WIPF2: variants seen among roughly 807,000 people sequenced by gnomAD.
WIPF2 encodes WAS/WASL-interacting protein family member 2.
Under a neutral mutation model 38.8 loss-of-function variants are expected in WIPF2, and 23 were observed. The ratio of observed to expected loss-of-function variants is 0.59; its 90% CI spans 0.43 to 0.84. The LOEUF is 0.84. WIPF2 is among the 40% of genes least tolerant of loss of function. WIPF2 has a pLI of 0.00. For synonymous variants in WIPF2, 210 were observed against 223.2 expected, an observed-to-expected ratio of 0.94 and a Z score of 0.53; for missense variants, 574 against 580.5, an observed-to-expected ratio of 0.99 and a Z score of 0.11.
intron 1 of WIPF2, among the ~76,000 whole-genome samples, chr17:40,247,162 A>C (rs577082432): frequency 6.6e-6 from 1 of 150,714 alleles, no homozygotes; most frequent in Admixed American, 6.6e-5. Flanking sequence ...TAAAATGGAC[A>C]TAGGTGTATG....
chr17:40,243,032 G>A (rs2031244963), intron 1 of WIPF2, among the ~76,000 whole-genome samples: 1 of 152,098 alleles, frequency 6.6e-6, no homozygotes, highest in African/African-American at 2.4e-5. Flanking sequence ...TTTCTTTGCA[G>A]CTCTGGTTAT....
chr17:40,260,560 G>A lies in WIPF2; in HGVS notation c.89G>A (p.Ser30Asn), dbSNP rs1208797065. ...GCAAACACAGAGCAGCCCAAGCTGA[G>A]TAGAGATGAGCAGCGGGGTCGAGGC... ...HQANTEQPKL[S>N]RDEQRGRGAL... The change falls in exon 3 of 8, where the codon AGT becomes AAT. Residue 30 changes from serine to asparagine, a missense_variant. Physicochemically the swap from Ser to Asn is conservative, Grantham distance 46. Transcript: ENST00000323571. The A allele has an allele frequency of 1.2e-6, 2 of 1,613,814 alleles. No homozygotes were observed. The highest frequency in any genetic ancestry group is 1.7e-6 in the Non-Finnish European group (2 of 1,179,994).
Position 40,219,374 on chromosome 17 carries a change from C to CGGCGGT in WIPF2, c.-183_-182insTGGCGG. On this transcript the variant is annotated 5_prime_UTR_variant, in exon 1 of 8. Coordinates refer to ENST00000323571, the MANE Select transcript of WIPF2 (RefSeq NM_133264.5). ...GGGTTGGCAAAAGGGGCGGTGGCGG[C>CGGCGGT]GGCGGCGGCGGCGGCGGCGGCGGCG... 1 of 394,698 alleles carries CGGCGGT rather than the reference C, an allele frequency of 2.5e-6. No individual in the cohort carries two copies. Among genetic ancestry groups the CGGCGGT allele is most frequent in the Non-Finnish European group, 4.7e-6 (1 of 210,894 alleles). The allele number at this position is 394,698 out of a possible 1,614,324, so 24.4% of individuals were successfully genotyped here.
chr17:40,263,553 C>A (rs369232042), intron 4 of WIPF2, among the ~76,000 whole-genome samples: 3 of 143,780 alleles, frequency 2.1e-5, no homozygotes, highest in Non-Finnish European at 3.1e-5. Flanking sequence ...TCGTCCCCCC[C>A]CCCCCCGCAA....
chr17:40,244,089 CT>C (rs1309329949), intron 1 of WIPF2, among the ~76,000 whole-genome samples: 1 of 151,974 alleles, frequency 6.6e-6, no homozygotes, highest in Non-Finnish European at 1.5e-5. Context: ...TAGAAAAAGC[CT>C]TTTTTTGGAG....
rs1028782634 is a variant in WIPF2, at chr17:40,281,858, A to G, written c.*3633A>G. 11 of 152,666 alleles carry G rather than the reference A, an allele frequency of 7.2e-5. No homozygotes were observed. The highest frequency in any genetic ancestry group is 2.6e-4 in the African/African-American group (11 of 41,524). 9.5% of individuals were successfully genotyped at this position (152,666 alleles called of 1,614,324 possible). On this transcript the variant is annotated 3_prime_UTR_variant, in exon 8 of 8. Transcript: ENST00000323571. ...GCATCTGAGGCCCTATGATGGCACT[A>G]CATTGAGCTGTCTGCCCTTCCGGAA...
rs143777738 is a variant in WIPF2, at chr17:40,249,255, C to T, written c.-69-7136C>T. On this transcript the variant is annotated intron_variant, in intron 1 of 7. Transcript: ENST00000323571. ...GATTGTAGTGGTAACTAGGATACCTCTTAGATAATTTTAAGTGTACGAGAA... is the reference window on the plus strand; with the variant it reads ...GATTGTAGTGGTAACTAGGATACCTTTTAGATAATTTTAAGTGTACGAGAA... 3.5e-3 allele frequency among the ~76,000 whole-genome samples: 528 copies of T among 152,202 alleles called. 3 individuals carry two copies. The highest frequency in any genetic ancestry group is 4.8e-3 in the Non-Finnish European group (325 of 68,008).
intron 1 of WIPF2, chr17:40,220,040 C>A (rs2030105775): frequency 6.6e-6 from 1 of 152,072 alleles, no homozygotes; most frequent in Non-Finnish European, 1.5e-5. Context: ...GAAAAGGAAT[C>A]AGAATTTAGT....
chr17:40,253,207 T>C (rs1206765855), intron 1 of WIPF2, among the ~76,000 whole-genome samples: 1 of 151,744 alleles, frequency 6.6e-6, no homozygotes, highest in Non-Finnish European at 1.5e-5. Flanking sequence ...GGACTACAGG[T>C]GTCTGCCACC....
Position 40,278,819 on chromosome 17 carries a change from A to T in WIPF2, c.*594A>T, listed in dbSNP as rs917190924. The T allele has an allele frequency of 8.3e-6, 1 of 120,850 alleles. No homozygotes were observed. The highest frequency in any genetic ancestry group is 2.6e-4 in the South Asian group (1 of 3,904). 7.5% of individuals were successfully genotyped at this position (120,850 alleles called of 1,614,324 possible). A position where few individuals can be genotyped will look rare whatever the true frequency, so the allele number is the denominator to read the frequency against. ...TTCTCACCTGCTGCCCCCCCACCCC[A>T]CCACCCCAGGGATAAATTGGATATA... is the stretch of plus-strand genomic sequence containing the variant. On this transcript the variant is annotated 3_prime_UTR_variant, in exon 8 of 8. Transcript: ENST00000323571.
chr17:40,236,344 T>G (rs887666746), intron 1 of WIPF2, among the ~76,000 whole-genome samples: 1 of 151,800 alleles, frequency 6.6e-6, no homozygotes, highest in African/African-American at 2.4e-5. Flanking sequence ...CTTCTAACCT[T>G]TTTTTTTCTT....
chr17:40,250,861 G>A (rs906844783), intron 1 of WIPF2, among the ~76,000 whole-genome samples: 1 of 148,074 alleles, frequency 6.8e-6, no homozygotes, highest in South Asian at 2.1e-4. Flanking sequence ...GAGCCCAGGA[G>A]TTTGAGGTTA....
chr17:40,227,932 TTTG>T (rs942928369), intron 1 of WIPF2, among the ~76,000 whole-genome samples: 14 of 151,836 alleles, frequency 9.2e-5, no homozygotes, highest in Non-Finnish European at 1.9e-4. Flanking sequence ...TGTTTTTTTT[TTTG>T]TTGTTGTTGT....
At chr17:40,228,080 ATCTC>A (rs2145281833) in intron 1 of WIPF2, among the ~76,000 whole-genome samples, 1 of 110,480 alleles carries the variant, frequency 9.1e-6, no homozygotes, top group African/African-American at 3.7e-5. Context: ...CAGTGGCGGG[ATCTC>A]GGCTCACTGC....
intron 2 of WIPF2, among the ~76,000 whole-genome samples, chr17:40,259,979 C>T (rs1463118785): frequency 6.6e-6 from 1 of 152,110 alleles, no homozygotes; most frequent in Non-Finnish European, 1.5e-5. Flanking sequence ...CTAAGTATTA[C>T]TGCAGGCCTC....
At chr17:40,249,865 C>T (rs936753755) in intron 1 of WIPF2, among the ~76,000 whole-genome samples, 1 of 149,162 alleles carries the variant, frequency 6.7e-6, no homozygotes, top group Non-Finnish European at 1.5e-5. Context: ...TGGAGTCTCG[C>T]ACTGTCACCT....
chr17:40,282,281 T>C lies in WIPF2; in HGVS notation c.*4056T>C, dbSNP rs1481945393. 6.6e-6 allele frequency: 1 copy of C among 152,200 alleles called. No homozygotes were observed. Among genetic ancestry groups the C allele is most frequent in the African/African-American group, 2.4e-5 (1 of 41,440 alleles). 9.4% of individuals were successfully genotyped at this position (152,200 alleles called of 1,614,324 possible). A position where few individuals can be genotyped will look rare whatever the true frequency, so the allele number is the denominator to read the frequency against. On this transcript the variant is annotated 3_prime_UTR_variant, in exon 8 of 8. Transcript: ENST00000323571. ...GATAACTGCTGTTTCTTTCTACTCT[T>C]GTTTCTGGCAATTTAGTGGGTTCCT...
intron 1 of WIPF2, among the ~76,000 whole-genome samples, chr17:40,252,506 A>T (rs1463256602): frequency 6.6e-6 from 1 of 152,080 alleles, no homozygotes; most frequent in Admixed American, 6.6e-5. Flanking sequence ...TCTACTAAAA[A>T]TACAGAAATT....
chr17:40,276,260 G>A (rs2032395120), intron 6 of WIPF2, among the ~76,000 whole-genome samples: 1 of 152,182 alleles, frequency 6.6e-6, no homozygotes, highest in Non-Finnish European at 1.5e-5. Context: ...GGGCCTGGTG[G>A]CTTACGCCAG....
Sources: allele counts gnomAD v4.1 joint callset (sites outside exome capture counted in the v4.1 genomes callset), GRCh38; gene constraint gnomAD v4.1.1; transcripts MANE v1.5; gene names NCBI Gene and HGNC (gene_info 2026-07-23, HGNC 2026-07-21).